SNX27: variants seen among roughly 807,000 people sequenced by gnomAD.
SNX27 encodes the protein sorting nexin 27.
In SNX27, 22 loss-of-function variants were observed where a neutral mutation model predicts 71.6. The ratio of observed to expected loss-of-function variants is 0.31; its 90% CI spans 0.22 to 0.44. The LOEUF (loss-of-function observed/expected upper bound fraction) is 0.44. SNX27 is among the 20% of genes least tolerant of loss of function. The pLI, the probability that SNX27 is intolerant of heterozygous loss-of-function variation, is 1.00. For missense variants in SNX27, 531 were observed against 698.6 expected, an observed-to-expected ratio of 0.76 and a Z score of 2.70; for synonymous variants, 269 against 277.2, an observed-to-expected ratio of 0.97 and a Z score of 0.29.
chr1:151,691,558 C>T (rs1671451738), intron 8 of SNX27, among the ~76,000 whole-genome samples: 1 of 149,950 alleles, frequency 6.7e-6, no homozygotes, highest in South Asian at 2.1e-4. Flanking sequence ...GCAACCTCTG[C>T]CTCCTGGGTT....
chr1:151,685,677 G>A (rs113252283), intron 8 of SNX27, among the ~76,000 whole-genome samples: 3,396 of 152,110 alleles, frequency 0.022, 126 homozygotes, highest in African/African-American at 0.078. Context: ...GTGAGACTCC[G>A]TCTCAACAAC....
chr1:151,674,408 G>A (rs1670576833), intron 7 of SNX27, among the ~76,000 whole-genome samples: 1 of 152,102 alleles, frequency 6.6e-6, no homozygotes, highest in Admixed American at 6.5e-5. Context: ...ATTGTACTAT[G>A]TCTTGAAAAG....
chr1:151,657,695 T>C (rs1293711073), intron 2 of SNX27, among the ~76,000 whole-genome samples: 1 of 152,176 alleles, frequency 6.6e-6, no homozygotes, highest in Non-Finnish European at 1.5e-5. Context: ...TTTGAAGATA[T>C]TTAAAAGTAT....
chr1:151,629,697 C>G (rs1390916900), intron 1 of SNX27, among the ~76,000 whole-genome samples: 4 of 150,624 alleles, frequency 2.7e-5, no homozygotes, highest in Non-Finnish European at 5.9e-5. Context: ...GATTCTCCTG[C>G]CTGAGCCTCC....
intron 8 of SNX27, among the ~76,000 whole-genome samples, chr1:151,691,902 G>T (rs912073785): frequency 6.6e-6 from 1 of 152,008 alleles, no homozygotes; most frequent in Admixed American, 6.6e-5. Context: ...AGTTGAAAGT[G>T]GGATAAAGAA....
At chr1:151,627,618 G>A (rs1460238559) in intron 1 of SNX27, among the ~76,000 whole-genome samples, 1 of 151,958 alleles carries the variant, frequency 6.6e-6, no homozygotes, top group Non-Finnish European at 1.5e-5. Context: ...AATAGAGATG[G>A]GGTTTCGCCA....
Position 151,693,476 on chromosome 1 carries a change from G to C in SNX27, c.1571G>C (p.Arg524Thr). The change falls in exon 11 of 12, where the codon AGA becomes ACA. Residue 524 changes from arginine (R) to threonine (T), a missense_variant. Physicochemically the swap from Arg to Thr is moderately conservative, Grantham distance 71 (BLOSUM62 -1). Coordinates refer to ENST00000458013, the MANE Select transcript of SNX27 (RefSeq NM_001330723.2). Reference protein sequence around the residue: ...FERVFCELKWRKENIFQMARS... With the variant: ...FERVFCELKWTKENIFQMARS... ...AGGGTGTTCTGCGAGCTCAAGTGGA[G>C]AAAAGAGGTAATTCTGAACAGTCCT... The C allele has an allele frequency of 6.2e-7, 1 of 1,614,148 alleles. No homozygotes were observed.
chr1:151,638,621 T>C (rs547788347), intron 1 of SNX27, among the ~76,000 whole-genome samples: 1 of 152,322 alleles, frequency 6.6e-6, no homozygotes, highest in Admixed American at 6.5e-5. Context: ...CCTCTTTCCA[T>C]GTGCGTTCCT....
chr1:151,651,293 C>T (rs1026633350), intron 2 of SNX27, among the ~76,000 whole-genome samples: 11 of 151,194 alleles, frequency 7.3e-5, no homozygotes, highest in African/African-American at 2.7e-4. Context: ...ACCCCCCTAC[C>T]TCCCTCCCAG....
In SNX27 at chr1:151,612,578, A is replaced by AC; in HGVS notation, c.311+69dup. On this transcript the variant is annotated intron_variant, in intron 1 of 11. Coordinates refer to ENST00000458013, the MANE Select transcript of SNX27 (RefSeq NM_001330723.2). This position sits in a 1 kb window ranked among gnomAD's most constrained non-coding sequence, Gnocchi z 5.2. ...CCCTCCTGCCCCTGCACTCCTCGCT[A>AC]CCCTTGTCACCCCCAGGCCGCACCT... 1 of 1,127,682 alleles carries AC rather than the reference A, an allele frequency of 8.9e-7. No individual in the cohort carries two copies. The highest frequency in any genetic ancestry group is 1.1e-6 in the Non-Finnish European group (1 of 892,668). 69.9% of individuals were successfully genotyped at this position (1,127,682 alleles called of 1,614,324 possible). A position where few individuals can be genotyped will look rare whatever the true frequency, so the allele number is the denominator to read the frequency against.
At chr1:151,632,880 T>A (rs997191668) in intron 1 of SNX27, among the ~76,000 whole-genome samples, 1 of 151,664 alleles carries the variant, frequency 6.6e-6, no homozygotes, top group Non-Finnish European at 1.5e-5. Flanking sequence ...TTTTATTTTT[T>A]ATTTTTTTTG....
chr1:151,619,576 C>T (rs989970748), intron 1 of SNX27, among the ~76,000 whole-genome samples: 1 of 152,102 alleles, frequency 6.6e-6, no homozygotes, highest in African/African-American at 2.4e-5. Context: ...GCTGGGATTA[C>T]AGGTGTGAGC....
At chr1:151,651,203 C>G (rs1158352604) in intron 2 of SNX27, among the ~76,000 whole-genome samples, 132 of 150,998 alleles carry the variant, frequency 8.7e-4, no homozygotes, top group African/African-American at 3.0e-3. Flanking sequence ...CCTCACCTCC[C>G]GGGCGGGGCG....
At position 151,612,073 on chromosome 1, in the gene SNX27, C is replaced by A; in HGVS notation, c.-129C>A. 2 of 1,071,798 alleles carry A rather than the reference C, an allele frequency of 1.9e-6. No individual in the cohort carries two copies. The highest frequency in any genetic ancestry group is 1.2e-6 in the Non-Finnish European group (1 of 823,300). 66.4% of individuals were successfully genotyped at this position (1,071,798 alleles called of 1,614,324 possible). A position where few individuals can be genotyped will look rare whatever the true frequency, so the allele number is the denominator to read the frequency against. ...TCACCCCGCGCCAGCAGCTCGGTGG[C>A]CGAGTCGGTCCCGCGGCCGGCGGAT... is the stretch of plus-strand genomic sequence containing the variant. On this transcript the variant is annotated 5_prime_UTR_variant, in exon 1 of 12. Transcript: ENST00000458013. The surrounding 1 kb of genome is among the most constrained non-coding windows in gnomAD (Gnocchi z 5.2).
At chr1:151,664,666 T>G (rs972396570) in intron 5 of SNX27, among the ~76,000 whole-genome samples, 1 of 152,178 alleles carries the variant, frequency 6.6e-6, no homozygotes, top group Non-Finnish European at 1.5e-5. Flanking sequence ...GTAGCAAACA[T>G]TAAAAAACCT....
Position 151,697,282 on chromosome 1 carries a change from C to T in SNX27, c.*2865C>T, listed in dbSNP as rs1300257383. On this transcript the variant is annotated 3_prime_UTR_variant, in exon 12 of 12. Transcript: ENST00000458013. Reference sequence around the variant, plus strand: ...GTAAAAATAGCAATTTGCCCCTACTCGCTCAGAGTGGGACAGTAGTGAACA... The same window carrying T: ...GTAAAAATAGCAATTTGCCCCTACTTGCTCAGAGTGGGACAGTAGTGAACA... 1 of 152,212 alleles carries T rather than the reference C, an allele frequency of 6.6e-6. No individual in the cohort carries two copies. 9.4% of individuals were successfully genotyped at this position (152,212 alleles called of 1,614,324 possible).
intron 1 of SNX27, among the ~76,000 whole-genome samples, chr1:151,635,455 A>G (rs1427120412): frequency 6.6e-6 from 1 of 152,190 alleles, no homozygotes; most frequent in East Asian, 1.9e-4. Flanking sequence ...TCCTTATTGA[A>G]GAATTTATAT....
intron 8 of SNX27, chr1:151,685,615 G>T (rs1671164291): frequency 6.6e-6 from 1 of 152,276 alleles, no homozygotes. Flanking sequence ...CCGGGAGGCG[G>T]AGGTTGCAGT....
At chr1:151,619,598 G>T (rs367849708) in intron 1 of SNX27, among the ~76,000 whole-genome samples, 10 of 152,090 alleles carry the variant, frequency 6.6e-5, no homozygotes, top group East Asian at 3.9e-4. Flanking sequence ...ACCGTGCCGG[G>T]CCCACTCTGG....
Sources: allele counts gnomAD v4.1 joint callset (sites outside exome capture counted in the v4.1 genomes callset), GRCh38; gene constraint gnomAD v4.1.1; non-coding constraint Gnocchi (gnomAD v3.1); transcripts MANE v1.5; gene names NCBI Gene and HGNC (gene_info 2026-07-23, HGNC 2026-07-21).